Variants in SHROOM2 observed in about 807,000 individuals in gnomAD.
SHROOM2 encodes the protein protein Shroom2.
Under a neutral mutation model 75.9 loss-of-function variants are expected in SHROOM2, and 33 were observed. The observed-to-expected ratio is 0.43, with a 90% CI of 0.33 to 0.58. The LOEUF is 0.58. SHROOM2 is among the 20% of genes least tolerant of loss of function. SHROOM2 has a pLI of 0.04. For synonymous variants in SHROOM2, 655 were observed against 663.6 expected (o/e 0.99, Z 0.20); for missense variants, 1,434 against 1,461.2 (o/e 0.98, Z 0.30).
At position 9,884,674 on chromosome X, in the gene SHROOM2, CT is replaced by C. The variant is rs2084251026; in HGVS notation, c.318-6300del. ...TTATATTTGTGTTCTAAACCCTGTC[CT>C]TTAAAAAAAAAAAAAAAAAAACCCA... On this transcript the variant is annotated intron_variant, in intron 2 of 9. Coordinates refer to ENST00000380913, the MANE Select transcript of SHROOM2 (RefSeq NM_001649.4). Among the ~76,000 whole-genome samples the C allele has an allele frequency of 3.4e-4, 8 of 23,788 alleles. No homozygotes were observed. The South Asian group carries it at 0.027, about 81-fold the overall frequency. The allele number at this position is 23,788 out of a possible 115,157, so 20.7% of individuals were successfully genotyped here.
At chrX:9,850,186 G>A (rs897145199) in intron 1 of SHROOM2, among the ~76,000 whole-genome samples, 2 of 112,074 alleles carry the variant, frequency 1.8e-5, no homozygotes, top group African/African-American at 3.2e-5. Flanking sequence ...TGCAGCACCC[G>A]GGGGCGCTGC....
chrX:9,845,688 T>C (rs1275939563), intron 1 of SHROOM2, among the ~76,000 whole-genome samples: 2 of 110,602 alleles, frequency 1.8e-5, no homozygotes, highest in Non-Finnish European at 3.8e-5. Flanking sequence ...CCCTCCTTTC[T>C]GTCCGTCTCT....
chrX:9,856,840 A>G (rs2084073372), intron 1 of SHROOM2, among the ~76,000 whole-genome samples: 1 of 112,345 alleles, frequency 8.9e-6, no homozygotes, highest in Admixed American at 9.5e-5. Context: ...TTGATTGCAG[A>G]GACAAAGGCT....
intron 1 of SHROOM2, among the ~76,000 whole-genome samples, chrX:9,807,369 C>G (rs1020685435): frequency 4.5e-5 from 5 of 112,181 alleles, no homozygotes; most frequent in Non-Finnish European, 9.4e-5. Context: ...GTCAGAGTGT[C>G]CCCAGGAGCA....
intron 1 of SHROOM2, among the ~76,000 whole-genome samples, chrX:9,863,225 C>T (rs1232886989): frequency 1.8e-5 from 2 of 111,588 alleles, no homozygotes; most frequent in Admixed American, 9.5e-5. Context: ...GCTTGCCTTC[C>T]GTTGCTCTGT....
chrX:9,858,821 A>G (rs1019880829), intron 1 of SHROOM2, among the ~76,000 whole-genome samples: 9 of 111,164 alleles, frequency 8.1e-5, no homozygotes, highest in Admixed American at 3.8e-4. Flanking sequence ...CAGATAAAAA[A>G]GCTGAGTGAG....
At chrX:9,801,064 G>T (rs919230746) in intron 1 of SHROOM2, among the ~76,000 whole-genome samples, 3 of 111,798 alleles carry the variant, frequency 2.7e-5, no homozygotes, top group Non-Finnish European at 5.6e-5. Flanking sequence ...TGGACTCACA[G>T]TTCCATGTGG....
chrX:9,872,733 C>T (rs182441422), intron 1 of SHROOM2, among the ~76,000 whole-genome samples: 2 of 111,525 alleles, frequency 1.8e-5, no homozygotes, highest in Non-Finnish European at 3.8e-5. Flanking sequence ...AAAACAGATA[C>T]GTGTTAGCAA....
intron 1 of SHROOM2, among the ~76,000 whole-genome samples, chrX:9,848,745 C>T (rs16985736): frequency 0.16 from 17,553 of 109,684 alleles, 1,975 homozygotes; most frequent in East Asian, 0.42. Flanking sequence ...TTTAGCTTCC[C>T]GAATCAGTTT....
chrX:9,937,206 G>A lies in SHROOM2; in HGVS notation c.3660G>A (p.Gln1220=), dbSNP rs762734479. The A allele has an allele frequency of 1.5e-5, 18 of 1,204,232 alleles. No homozygotes were observed. The African/African-American group carries it at 3.0e-4, about 20-fold the overall frequency. ...VPIKIVHSES[Q]PEKESRQSLA... is the part of the protein sequence containing the mutation. ...TCAAGATCGTGCACTCGGAGAGCCAGCCAGAGAAGGAGAGCCGCCAGAGCC... is the reference window on the plus strand; with the variant it reads ...TCAAGATCGTGCACTCGGAGAGCCAACCAGAGAAGGAGAGCCGCCAGAGCC... Residue 1220 remains glutamine (Q), a synonymous_variant, in exon 7 of 10, where the codon CAG becomes CAA. Transcript: ENST00000380913.
intron 5 of SHROOM2, among the ~76,000 whole-genome samples, chrX:9,922,870 G>A (rs1409468350): frequency 2.7e-5 from 3 of 111,519 alleles, no homozygotes; most frequent in African/African-American, 9.8e-5. Flanking sequence ...AGTTCATGTA[G>A]CTGTCCTCAG....
chrX:9,836,328 A>AGATT (rs778587646), intron 1 of SHROOM2, among the ~76,000 whole-genome samples: 25 of 111,585 alleles, frequency 2.2e-4, no homozygotes, highest in South Asian at 1.9e-3. Context: ...AGGGCCTCAG[A>AGATT]GATTGCTGGA....
At chrX:9,854,571 G>A (rs1364660898) in intron 1 of SHROOM2, among the ~76,000 whole-genome samples, 1 of 112,237 alleles carries the variant, frequency 8.9e-6, no homozygotes, top group Non-Finnish European at 1.9e-5. Flanking sequence ...TGTGAAAGTC[G>A]CATACACAGA....
At chrX:9,848,448 G>A (rs889314510) in intron 1 of SHROOM2, among the ~76,000 whole-genome samples, 6 of 84,433 alleles carry the variant, frequency 7.1e-5, no homozygotes, top group Non-Finnish European at 4.5e-5. Flanking sequence ...AGCTTGCAGT[G>A]AGCCGAGATT....
intron 1 of SHROOM2, among the ~76,000 whole-genome samples, chrX:9,792,045 A>C (rs1479118827): frequency 8.7e-4 from 1 of 1,149 alleles, no homozygotes; most frequent in East Asian, 0.011. Context: ...AGAATAGAAT[A>C]GAATAGAATA....
chrX:9,807,106 G>GCAA (rs1335158479), intron 1 of SHROOM2, among the ~76,000 whole-genome samples: 4 of 111,793 alleles, frequency 3.6e-5, no homozygotes, highest in Non-Finnish European at 7.5e-5. Context: ...GAAGGGGTTG[G>GCAA]GTTCCCACCC....
intron 1 of SHROOM2, among the ~76,000 whole-genome samples, chrX:9,788,755 G>A (rs755669037): frequency 9.0e-6 from 1 of 110,542 alleles, no homozygotes; most frequent in South Asian, 3.9e-4. Context: ...TTGGCATTGG[G>A]GACTTTGTGA....
At position 9,890,888 on chromosome X, in the gene SHROOM2, G is replaced by C. The variant is rs754643316; in HGVS notation, c.318-89G>C. 15 of 948,602 alleles carry C rather than the reference G, an allele frequency of 1.6e-5. No individual in the cohort carries two copies. In the African/African-American group the frequency reaches 2.7e-4, roughly 17 times the overall value. 78.2% of individuals were successfully genotyped at this position (948,602 alleles called of 1,213,427 possible). Reference sequence around the variant, plus strand: ...TTTGGCACGAGCGTGTGCCCTGTGTGCGGTCCCCAAGCCCCCTGCACTGTT... The same window carrying C: ...TTTGGCACGAGCGTGTGCCCTGTGTCCGGTCCCCAAGCCCCCTGCACTGTT... On this transcript the variant is annotated intron_variant, in intron 2 of 9. Transcript: ENST00000380913.
intron 1 of SHROOM2, among the ~76,000 whole-genome samples, chrX:9,863,910 T>C (rs1905201123): frequency 1.8e-5 from 2 of 111,808 alleles, no homozygotes; most frequent in Non-Finnish European, 1.9e-5. Flanking sequence ...TTAATGTCCT[T>C]ACAGAAAATC....
Sources: gnomAD v4.1 joint callset for allele counts (sites outside exome capture counted in the v4.1 genomes callset) on GRCh38, gnomAD v4.1.1 for gene constraint, MANE v1.5 for transcripts, NCBI Gene and HGNC (gene_info 2026-07-23, HGNC 2026-07-21) for gene names.